Variants in RSF1 observed in about 807,000 individuals in gnomAD.
The protein encoded by RSF1 is HBV pX-associated protein 8.
RSF1 carries 13 observed loss-of-function variants against 145.2 expected under a neutral mutation model. The observed-to-expected ratio is 0.09, with a 90% CI of 0.06 to 0.14. The LOEUF is 0.14. Among genes scored for constraint, RSF1 ranks in the 10% least tolerant of loss-of-function variants. The pLI, the probability that RSF1 is intolerant of heterozygous loss-of-function variation, is 1.00. For synonymous variants in RSF1, 577 were observed against 592.6 expected, an observed-to-expected ratio of 0.97 and a Z score of 0.38; for missense variants, 1,517 against 1,718.2, an observed-to-expected ratio of 0.88 and a Z score of 2.07.
At chr11:77,722,413 A>T (rs1960961811) in intron 5 of RSF1, among the ~76,000 whole-genome samples, 1 of 152,204 alleles carries the variant, frequency 6.6e-6, no homozygotes, top group East Asian at 1.9e-4. Context: ...TCTAACCAGC[A>T]GTATCAGCAT....
intron 12 of RSF1, among the ~76,000 whole-genome samples, chr11:77,677,774 T>G (rs1053130366): frequency 2.0e-5 from 3 of 152,240 alleles, no homozygotes; most frequent in African/African-American, 7.2e-5. Flanking sequence ...CTTTGTAGTC[T>G]CAAAGACAAC....
At chr11:77,761,690 C>T (rs1057494725) in intron 2 of RSF1, among the ~76,000 whole-genome samples, 6 of 151,996 alleles carry the variant, frequency 3.9e-5, no homozygotes, top group Non-Finnish European at 5.9e-5. Context: ...TTCATGGAAG[C>T]GTAAAGGTTC....
At chr11:77,706,108 G>GT (rs1960542620) in intron 5 of RSF1, among the ~76,000 whole-genome samples, 1 of 151,830 alleles carries the variant, frequency 6.6e-6, no homozygotes, top group Admixed American at 6.6e-5. Context: ...GGGTGGGGTG[G>GT]TGTGAGCCTG....
chr11:77,768,752 A>G (rs1210363081), intron 1 of RSF1, among the ~76,000 whole-genome samples: 1 of 152,228 alleles, frequency 6.6e-6, no homozygotes, highest in Non-Finnish European at 1.5e-5. Flanking sequence ...TAATCTGTCA[A>G]CTGATAAGAA....
chr11:77,828,053 A>G, the RSF1 span, among the ~76,000 whole-genome samples: 1 of 152,040 alleles, frequency 6.6e-6, no homozygotes, highest in Non-Finnish European at 1.5e-5. Context: ...TAGGTGGATC[A>G]CTTGAGGCCA....
intron 6 of RSF1, among the ~76,000 whole-genome samples, chr11:77,700,262 A>G (rs1960382534): frequency 1.4e-5 from 2 of 148,020 alleles, no homozygotes; most frequent in Non-Finnish European, 3.0e-5. Context: ...GAGGCAAGAG[A>G]ATCGCTTGAA....
intron 5 of RSF1, among the ~76,000 whole-genome samples, chr11:77,713,348 C>T (rs1044425511): frequency 1.3e-5 from 2 of 152,086 alleles, no homozygotes; most frequent in East Asian, 1.9e-4. Flanking sequence ...TTTCTCCCCC[C>T]GAGAGTCTCT....
chr11:77,747,575 G>T (rs959214243), intron 2 of RSF1, among the ~76,000 whole-genome samples: 1 of 152,156 alleles, frequency 6.6e-6, no homozygotes, highest in African/African-American at 2.4e-5. Flanking sequence ...TACTATTTAG[G>T]AGTAAAGTTA....
chr11:77,780,513 T>C (rs1359016570), intron 1 of RSF1, among the ~76,000 whole-genome samples: 1 of 151,982 alleles, frequency 6.6e-6, no homozygotes, highest in Non-Finnish European at 1.5e-5. Context: ...CTACCTAAGA[T>C]AATAAAAAAC....
chr11:77,813,221 G>A (rs1948747353), intron 1 of RSF1: 1 of 501,590 alleles, frequency 2.0e-6, no homozygotes, highest in African/African-American at 1.9e-5. Context: ...ACTTAATTCT[G>A]AGCAAAACAT....
At chr11:77,775,317 A>G (rs913561310) in intron 1 of RSF1, among the ~76,000 whole-genome samples, 1 of 151,990 alleles carries the variant, frequency 6.6e-6, no homozygotes, top group Non-Finnish European at 1.5e-5. Flanking sequence ...AAATTATCTG[A>G]ATGAATATAT....
At chr11:77,679,247 T>C (rs557979423) in intron 11 of RSF1, among the ~76,000 whole-genome samples, 1 of 152,348 alleles carries the variant, frequency 6.6e-6, no homozygotes, top group East Asian at 1.9e-4. Context: ...AAAACCACTT[T>C]GAGGTCACGT....
At chr11:77,681,857 C>T (rs533396177) in intron 11 of RSF1, among the ~76,000 whole-genome samples, 25 of 152,166 alleles carry the variant, frequency 1.6e-4, no homozygotes, top group Non-Finnish European at 3.1e-4. Context: ...GTATAAAACG[C>T]CATAGTTAAT....
At chr11:77,788,916 T>C (rs1273188317) in intron 1 of RSF1, among the ~76,000 whole-genome samples, 1 of 152,138 alleles carries the variant, frequency 6.6e-6, no homozygotes, top group Non-Finnish European at 1.5e-5. Context: ...CATGTGGCCA[T>C]AGTTCCAGCT....
intron 3 of RSF1, among the ~76,000 whole-genome samples, chr11:77,745,509 AT>A (rs111700788): frequency 0.036 from 5,461 of 150,028 alleles, 308 homozygotes; most frequent in African/African-American, 0.12. Flanking sequence ...TTCCTTTTGG[AT>A]TTTTTTTTAA....
At chr11:77,734,209 C>T (rs1292269742) in intron 4 of RSF1, among the ~76,000 whole-genome samples, 1 of 151,770 alleles carries the variant, frequency 6.6e-6, no homozygotes, top group African/African-American at 2.4e-5. Flanking sequence ...AAATCACATA[C>T]TAAATCTTGT....
chr11:77,773,919 C>A (rs1469004976), intron 1 of RSF1, among the ~76,000 whole-genome samples: 1 of 152,172 alleles, frequency 6.6e-6, no homozygotes, highest in Non-Finnish European at 1.5e-5. Context: ...TGGCCAAGAT[C>A]AAGTGTAGTA....
intron 3 of RSF1, 83 bp downstream of exon 3, chr11:77,746,953 T>G: frequency 1.2e-6 from 1 of 803,002 alleles, no homozygotes; most frequent in Non-Finnish European, 2.0e-6. Context: ...AAATGTCTAC[T>G]TTTTGTTTAT....
intron 3 of RSF1, among the ~76,000 whole-genome samples, chr11:77,743,925 A>G (rs1372828456): frequency 6.6e-6 from 1 of 152,218 alleles, no homozygotes; most frequent in Non-Finnish European, 1.5e-5. Context: ...TCATGAAAGC[A>G]AAGTTGAATT....
Sources: allele counts gnomAD v4.1 joint callset (sites outside exome capture counted in the v4.1 genomes callset), GRCh38; gene constraint gnomAD v4.1.1; transcripts MANE v1.5; gene names NCBI Gene and HGNC (gene_info 2026-07-23, HGNC 2026-07-21).